SLC25A21: variants seen among roughly 807,000 people sequenced by gnomAD.
SLC25A21 encodes mitochondrial 2-oxodicarboxylate carrier.
A neutral mutation model predicts 43.8 loss-of-function variants in SLC25A21; 47 were observed. The ratio of observed to expected loss-of-function variants is 1.07; its 90% CI spans 0.85 to 1.37. The LOEUF (loss-of-function observed/expected upper bound fraction) is 1.37, where lower values mean the gene tolerates loss of function less well. SLC25A21 is among the 40% of genes most tolerant of loss of function. The probability of loss-of-function intolerance (pLI) is 0.00; values close to 1 mark genes in which losing one functional copy is unlikely to be tolerated. For missense variants in SLC25A21, 352 were observed against 350.2 expected, an observed-to-expected ratio of 1.00 and a Z score of -0.04; for synonymous variants, 131 against 121.3, an observed-to-expected ratio of 1.08 and a Z score of -0.52.
At chr14:37,149,879 G>A (rs1963729751) in intron 1 of SLC25A21, among the ~76,000 whole-genome samples, 3 of 152,006 alleles carry the variant, frequency 2.0e-5, no homozygotes, top group Non-Finnish European at 4.4e-5. Context: ...TTAAAGACAT[G>A]GGAAAGTTAT....
chr14:37,120,801 T>G (rs1963194052), intron 1 of SLC25A21, among the ~76,000 whole-genome samples: 1 of 152,104 alleles, frequency 6.6e-6, no homozygotes, highest in Non-Finnish European at 1.5e-5. Context: ...GAGAGAAAAG[T>G]ATCCAGAAGT....
intron 1 of SLC25A21, among the ~76,000 whole-genome samples, chr14:37,014,386 C>G (rs1960800073): frequency 6.6e-6 from 1 of 152,132 alleles, no homozygotes; most frequent in African/African-American, 2.4e-5. Flanking sequence ...TTCACAGTAT[C>G]TTTTCCAGGA....
In SLC25A21 at chr14:36,679,732, A is replaced by C; in HGVS notation, c.*926T>G. The C allele has an allele frequency of 1.0e-6, 1 of 985,458 alleles. No homozygotes were observed. The highest frequency in any genetic ancestry group is 1.2e-6 in the Non-Finnish European group (1 of 829,926). The allele number at this position is 985,458 out of a possible 1,614,324, so 61.0% of individuals were successfully genotyped here. A position where few individuals can be genotyped will look rare whatever the true frequency, so the allele number is the denominator to read the frequency against. On this transcript the variant is annotated 3_prime_UTR_variant, in exon 10 of 10. Transcript: ENST00000331299. The stretch of plus-strand genomic sequence containing the variant: ...GTTCTGTTCTATACATTCTTCCTAA[A>C]AATGGCACAGGTAGGCATGCTGAAT...
intron 1 of SLC25A21, among the ~76,000 whole-genome samples, chr14:37,169,212 T>A (rs777200663): frequency 6.6e-6 from 1 of 152,126 alleles, no homozygotes; most frequent in Non-Finnish European, 1.5e-5. Flanking sequence ...GTCTTGCTTT[T>A]GCTGTCTGTA....
In SLC25A21 at chr14:37,087,605, T is replaced by C. The variant is rs187652742; in HGVS notation, c.70+84676A>G. Among the ~76,000 whole-genome samples, 8 of 152,350 alleles carry C rather than the reference T, an allele frequency of 5.3e-5. No individual in the cohort carries two copies. The East Asian group carries it at 1.2e-3, about 22-fold the overall frequency. On this transcript the variant is annotated intron_variant, in intron 1 of 9. Coordinates refer to ENST00000331299, the MANE Select transcript of SLC25A21 (RefSeq NM_030631.4). ...TTTCCTTCTTCATTTATTCTTTATT[T>C]TCCTTTCTCGCTCATCTAGATATTG...
intron 2 of SLC25A21, among the ~76,000 whole-genome samples, chr14:36,828,196 C>A (rs1178585876): frequency 1.8e-4 from 2 of 11,018 alleles, no homozygotes; most frequent in Non-Finnish European, 0.019. Context: ...CAACTGTCCA[C>A]TAAACCTCCT....
At chr14:36,824,081 T>G (rs549288382) in intron 2 of SLC25A21, among the ~76,000 whole-genome samples, 1 of 152,330 alleles carries the variant, frequency 6.6e-6, no homozygotes, top group East Asian at 1.9e-4. Flanking sequence ...TGTTGGAGAA[T>G]ATGGCGTCTC....
chr14:36,834,232 G>T (rs576779479), intron 2 of SLC25A21, among the ~76,000 whole-genome samples: 11 of 152,336 alleles, frequency 7.2e-5, no homozygotes, highest in African/African-American at 2.6e-4. Context: ...AAACTGCAAA[G>T]ACCTCTTGTA....
In SLC25A21 at chr14:36,679,164, G is replaced by C. The variant is rs1416100447; in HGVS notation, c.*1494C>G. On this transcript the variant is annotated 3_prime_UTR_variant, in exon 10 of 10. Coordinates refer to ENST00000331299, the MANE Select transcript of SLC25A21 (RefSeq NM_030631.4). ...GGATAGAATGCAGTTGTGCAACAGAGACACATTCTTATTTCTTTTTTTTCA... is the reference window on the plus strand; with the variant it reads ...GGATAGAATGCAGTTGTGCAACAGACACACATTCTTATTTCTTTTTTTTCA... The C allele has an allele frequency of 1.0e-6, 1 of 985,252 alleles. No homozygotes were observed. 61.0% of individuals were successfully genotyped at this position (985,252 alleles called of 1,614,324 possible).
chr14:37,134,261 G>A (rs896453799), intron 1 of SLC25A21, among the ~76,000 whole-genome samples: 2 of 152,044 alleles, frequency 1.3e-5, no homozygotes, highest in African/African-American at 4.8e-5. Flanking sequence ...GAGAAATTAG[G>A]AACATTTATT....
chr14:36,824,500 C>T (rs764037635), intron 2 of SLC25A21, among the ~76,000 whole-genome samples: 4 of 152,142 alleles, frequency 2.6e-5, no homozygotes, highest in Non-Finnish European at 4.4e-5. Flanking sequence ...TTTTATATCA[C>T]TTTCAATGTT....
intron 1 of SLC25A21, among the ~76,000 whole-genome samples, chr14:37,017,180 T>C (rs867699985): frequency 6.6e-6 from 1 of 152,108 alleles, no homozygotes; most frequent in African/African-American, 2.4e-5. Flanking sequence ...GCTTTTGGCA[T>C]GTCTTCCTCA....
intron 1 of SLC25A21, among the ~76,000 whole-genome samples, chr14:36,895,170 T>C (rs962223952): frequency 5.9e-5 from 9 of 152,252 alleles, no homozygotes; most frequent in Non-Finnish European, 4.4e-5. Context: ...CATCTGGTCC[T>C]GGACTTTTTT....
chr14:36,783,029 C>T (rs1887126987), intron 3 of SLC25A21, among the ~76,000 whole-genome samples: 2 of 151,142 alleles, frequency 1.3e-5, no homozygotes, highest in Non-Finnish European at 3.0e-5. Flanking sequence ...AAAAAGATTG[C>T]ATGCCTTCCC....
At chr14:37,077,272 ATG>A (rs1225674823) in intron 1 of SLC25A21, among the ~76,000 whole-genome samples, 2 of 152,338 alleles carry the variant, frequency 1.3e-5, no homozygotes, top group East Asian at 3.9e-4. Context: ...CTTATTTATA[ATG>A]TGTTTAGAAA....
rs1962038573 is a variant in SLC25A21, at chr14:37,065,397, G to A, written c.70+106884C>T. Among the ~76,000 whole-genome samples, 3 of 152,194 alleles carry A rather than the reference G, an allele frequency of 2.0e-5. No individual in the cohort carries two copies. In the South Asian group the frequency reaches 6.2e-4, roughly 31 times the overall value. ...CTAAGTGAAGCAGGAGCTCAGGGAGGTGAACCGAGCTCTGGAGATTATTTT... is the reference window on the plus strand; with the variant it reads ...CTAAGTGAAGCAGGAGCTCAGGGAGATGAACCGAGCTCTGGAGATTATTTT... On this transcript the variant is annotated intron_variant, in intron 1 of 9. Coordinates refer to ENST00000331299, the MANE Select transcript of SLC25A21 (RefSeq NM_030631.4).
At chr14:36,957,102 T>C (rs1959361273) in intron 1 of SLC25A21, among the ~76,000 whole-genome samples, 1 of 152,226 alleles carries the variant, frequency 6.6e-6, no homozygotes, top group Non-Finnish European at 1.5e-5. Flanking sequence ...CATAGAAATG[T>C]TGTGGGTCAC....
At chr14:36,895,410 A>G (rs1182934) in intron 1 of SLC25A21, among the ~76,000 whole-genome samples, 66,797 of 151,778 alleles carry the variant, frequency 0.44, 15,937 homozygotes, top group East Asian at 0.99. Flanking sequence ...TTATTATTGC[A>G]TCTATTTGAT....
At chr14:37,012,980 A>C (rs1215718485) in intron 1 of SLC25A21, among the ~76,000 whole-genome samples, 1 of 152,230 alleles carries the variant, frequency 6.6e-6, no homozygotes, top group Non-Finnish European at 1.5e-5. Flanking sequence ...ATGGTATCAG[A>C]CTTCTTTGGG....
Sources: allele counts gnomAD v4.1 joint callset (sites outside exome capture counted in the v4.1 genomes callset), GRCh38; gene constraint gnomAD v4.1.1; transcripts MANE v1.5; gene names NCBI Gene and HGNC (gene_info 2026-07-23, HGNC 2026-07-21).